RGS5: variants seen among roughly 807,000 people sequenced by gnomAD.
RGS5 encodes regulator of G-protein signalling 5.
Under a neutral mutation model 18.9 loss-of-function variants are expected in RGS5, and 20 were observed. That is an observed-to-expected ratio of 1.06 (90% CI 0.74 to 1.54). The LOEUF (loss-of-function observed/expected upper bound fraction) is 1.54, where lower values mean the gene tolerates loss of function less well. Ranked by LOEUF, RGS5 falls within the 40% of genes most tolerant of loss-of-function variation. RGS5 has a pLI of 0.00. For missense variants in RGS5, 201 were observed against 211.8 expected (o/e 0.95, Z 0.32); for synonymous variants, 57 against 76.2 (o/e 0.75, Z 1.31).
At chr1:163,210,448 A>G (rs1017970095) in intron 1 of RGS5, among the ~76,000 whole-genome samples, 2 of 152,214 alleles carry the variant, frequency 1.3e-5, no homozygotes, top group Admixed American at 1.3e-4. Flanking sequence ...GCCTGGCTTA[A>G]TTGCCCTGAA....
intron 1 of RGS5, among the ~76,000 whole-genome samples, chr1:163,314,801 C>T (rs1649972401): frequency 6.6e-6 from 1 of 152,142 alleles, no homozygotes; most frequent in South Asian, 2.1e-4. Context: ...TCCAACAAAG[C>T]TCATTCATGC....
At chr1:163,247,673 A>G (rs1011602790) in intron 2 of RGS5, among the ~76,000 whole-genome samples, 1 of 151,786 alleles carries the variant, frequency 6.6e-6, no homozygotes, top group African/African-American at 2.4e-5. Flanking sequence ...TTTATATTAC[A>G]TATAACTTTT....
intron 2 of RGS5, among the ~76,000 whole-genome samples, chr1:163,257,497 G>A (rs894377621): frequency 3.3e-5 from 5 of 152,058 alleles, no homozygotes; most frequent in Non-Finnish European, 5.9e-5. Context: ...GCCATCAAAC[G>A]CCCAAATTTT....
chr1:163,168,289 C>T lies in RGS5; in HGVS notation c.124G>A (p.Glu42Lys). Residue 42 changes from glutamate (E) to lysine (K), a missense_variant, in exon 2 of 5, where the codon GAG becomes AAG. Transcript: ENST00000313961. Reference sequence around the variant, plus strand: ...GTCTTGGCTGGTTTCTCTGGCTTCTCATTGTACGGAATGACAAGGTCACCA... The same window carrying T: ...GTCTTGGCTGGTTTCTCTGGCTTCTTATTGTACGGAATGACAAGGTCACCA... ...SVGDLVIPYN[E>K]KPEKPAKTQK... 1 of 1,613,804 alleles carries T rather than the reference C, an allele frequency of 6.2e-7. No homozygotes were observed. The highest frequency in any genetic ancestry group is 8.5e-7 in the Non-Finnish European group (1 of 1,179,800).
chr1:163,209,786 A>G lies in RGS5; in HGVS notation c.69+7740T>C, dbSNP rs557908363. On this transcript the variant is annotated intron_variant, in intron 1 of 5. Transcript: ENST00000367903. ...TGAGGCTTGCTGTCATAGCTTCTGCAAGAAAGAGATAGTTTTCTTTTTCTT... is the reference window on the plus strand; with the variant it reads ...TGAGGCTTGCTGTCATAGCTTCTGCGAGAAAGAGATAGTTTTCTTTTTCTT... 1.2e-4 allele frequency among the ~76,000 whole-genome samples: 18 copies of G among 152,246 alleles called. No individual in the cohort carries two copies. In the South Asian group the frequency reaches 3.7e-3, roughly 32 times the overall value.
At chr1:163,306,383 T>C (rs1310822186) in intron 1 of RGS5, 1 of 152,184 alleles carries the variant, frequency 6.6e-6, no homozygotes. Flanking sequence ...TCAAAGAGCA[T>C]TGGTAATATA....
At chr1:163,281,472 G>A (rs571747227) in intron 2 of RGS5, among the ~76,000 whole-genome samples, 17 of 152,040 alleles carry the variant, frequency 1.1e-4, no homozygotes, top group Admixed American at 2.6e-4. Flanking sequence ...AAAAGAGGAC[G>A]AGGGGGCCAG....
intron 2 of RGS5, among the ~76,000 whole-genome samples, chr1:163,231,381 G>A (rs940569206): frequency 6.6e-6 from 1 of 152,104 alleles, no homozygotes; most frequent in Admixed American, 6.5e-5. Flanking sequence ...TTAAATTTGT[G>A]TATTGGAAAA....
At chr1:163,295,999 A>G (rs1649411485) in intron 2 of RGS5, among the ~76,000 whole-genome samples, 1 of 152,162 alleles carries the variant, frequency 6.6e-6, no homozygotes, top group Non-Finnish European at 1.5e-5. Context: ...TCAAGCTACA[A>G]TATCTGATGA....
intron 1 of RGS5, among the ~76,000 whole-genome samples, chr1:163,186,676 T>C (rs1037150409): frequency 6.0e-5 from 9 of 151,038 alleles, no homozygotes; most frequent in Admixed American, 3.3e-4. Flanking sequence ...GTTCATCTGA[T>C]AAAATAAAAT....
At chr1:163,170,959 T>A (rs1658272577) in intron 1 of RGS5, among the ~76,000 whole-genome samples, 1 of 152,202 alleles carries the variant, frequency 6.6e-6, no homozygotes, top group South Asian at 2.1e-4. Context: ...AAATAGTATA[T>A]CCTAAGACTT....
intron 1 of RGS5, among the ~76,000 whole-genome samples, chr1:163,185,117 CT>C (rs1659015416): frequency 6.6e-6 from 1 of 152,072 alleles, no homozygotes; most frequent in South Asian, 2.1e-4. Flanking sequence ...TCTTCCTCTC[CT>C]GAACCAGCTA....
In RGS5 at chr1:163,310,835, T is replaced by C. The variant is rs545291480; in HGVS notation, c.-377-4506A>G. 3.9e-5 allele frequency among the ~76,000 whole-genome samples: 6 copies of C among 152,292 alleles called. No homozygotes were observed. In the East Asian group the frequency reaches 1.2e-3, roughly 29 times the overall value. On this transcript the variant is annotated intron_variant, in intron 1 of 5. Transcript: ENST00000618415. ...GGTTTAATTGACTTACAGTTCAGCT[T>C]GGCTGAGGAGGCCTCAGGAAACTTA...
chr1:163,214,547 T>TGGAGAA (rs1660175838), intron 1 of RGS5, among the ~76,000 whole-genome samples: 1 of 152,096 alleles, frequency 6.6e-6, no homozygotes, highest in Non-Finnish European at 1.5e-5. Context: ...TTCGGGCTCA[T>TGGAGAA]TCTCCATGAT....
intron 1 of RGS5, among the ~76,000 whole-genome samples, chr1:163,197,772 A>G (rs991293421): frequency 1.3e-5 from 2 of 152,190 alleles, no homozygotes; most frequent in Non-Finnish European, 2.9e-5. Context: ...CTTGAAATTC[A>G]TACTTATTCT....
At chr1:163,228,147 GT>G (rs1647382731) in intron 2 of RGS5, among the ~76,000 whole-genome samples, 1 of 152,214 alleles carries the variant, frequency 6.6e-6, no homozygotes, top group Non-Finnish European at 1.5e-5. Context: ...CTACTAGGCA[GT>G]CCCCCTGTGG....
chr1:163,199,842 T>G (rs1659707767), intron 1 of RGS5, among the ~76,000 whole-genome samples: 1 of 152,080 alleles, frequency 6.6e-6, no homozygotes, highest in Non-Finnish European at 1.5e-5. Flanking sequence ...GCTCTTGCTC[T>G]GTTACCCAGG....
chr1:163,261,101 A>C (rs1648422719), intron 2 of RGS5, among the ~76,000 whole-genome samples: 1 of 78,198 alleles, frequency 1.3e-5, no homozygotes, highest in Admixed American at 1.3e-4. Flanking sequence ...ATTTTGACTT[A>C]AACTGGATTT....
chr1:163,296,760 A>G (rs190838316), intron 2 of RGS5, among the ~76,000 whole-genome samples: 4 of 152,328 alleles, frequency 2.6e-5, no homozygotes, highest in Admixed American at 2.0e-4. Flanking sequence ...AATTTTAAAC[A>G]GGAATATGGC....
Sources: allele counts gnomAD v4.1 joint callset (sites outside exome capture counted in the v4.1 genomes callset), GRCh38; gene constraint gnomAD v4.1.1; transcripts MANE v1.5; gene names NCBI Gene and HGNC (gene_info 2026-07-23, HGNC 2026-07-21).